Variants in CCDC171 observed in about 807,000 individuals in gnomAD.
CCDC171 encodes the protein coiled-coil domain containing 171.
In CCDC171, 177 loss-of-function variants were observed where a neutral mutation model predicts 168.2. The ratio of observed to expected loss-of-function variants is 1.05; its 90% CI spans 0.93 to 1.19. The LOEUF is 1.19. Among genes scored for constraint, CCDC171 ranks in the 50% most tolerant of loss-of-function variants. CCDC171 has a pLI of 0.00. For missense variants in CCDC171, 1,991 were observed against 1,539.0 expected, an observed-to-expected ratio of 1.29 and a Z score of -4.91; for synonymous variants, 687 against 540.8, an observed-to-expected ratio of 1.27 and a Z score of -3.75.
intron 24 of CCDC171, among the ~76,000 whole-genome samples, chr9:15,918,108 C>G (rs1021340788): frequency 6.6e-6 from 1 of 151,574 alleles, no homozygotes; most frequent in African/African-American, 2.4e-5. Flanking sequence ...CATTGTACAA[C>G]TAATTGTAAA....
At chr9:15,900,494 A>C (rs1821481784) in intron 24 of CCDC171, among the ~76,000 whole-genome samples, 1 of 143,844 alleles carries the variant, frequency 7.0e-6, no homozygotes, top group African/African-American at 2.6e-5. Flanking sequence ...TGATACCTTG[A>C]TTTCAGCCTG....
At chr9:15,874,716 G>T (rs754669675) in intron 24 of CCDC171, 53 bp downstream of exon 24, 2 of 1,442,514 alleles carry the variant, frequency 1.4e-6, no homozygotes, top group African/African-American at 2.9e-5. Context: ...AAAATAAATT[G>T]CACTAACTGG....
chr9:15,991,430 G>A (rs1253903617), intron 3 of CCDC171, among the ~76,000 whole-genome samples: 1 of 148,372 alleles, frequency 6.7e-6, no homozygotes, highest in African/African-American at 2.7e-5. Flanking sequence ...ATTCAAAGAA[G>A]TGTGTAGAGG....
At position 15,561,914 on chromosome 9, in the gene CCDC171, A is replaced by AT. The variant is rs567707652; in HGVS notation, c.-111-2058dup. Among the ~76,000 whole-genome samples the AT allele has an allele frequency of 4.8e-3, 728 of 151,762 alleles. 9 individuals are homozygous for AT. Among genetic ancestry groups the AT allele is most frequent in the Non-Finnish European group, 7.4e-3 (502 of 67,924 alleles). ...CCTTCTTACCTGCCTGTTACTCAAGATTTTTTCACCTTAGGTCCAAGATGC... is the reference window on the plus strand; with the variant it reads ...CCTTCTTACCTGCCTGTTACTCAAGATTTTTTTCACCTTAGGTCCAAGATGC... On this transcript the variant is annotated intron_variant, in intron 1 of 25. Transcript: ENST00000380701.
intron 11 of CCDC171, among the ~76,000 whole-genome samples, chr9:15,708,456 T>A (rs149132046): frequency 2.6e-5 from 4 of 152,302 alleles, no homozygotes; most frequent in African/African-American, 9.6e-5. Flanking sequence ...TCCTCCCTCT[T>A]TTGGAAATGG....
intron 4 of CCDC171, among the ~76,000 whole-genome samples, chr9:15,587,062 C>G (rs185373728): frequency 6.6e-6 from 1 of 152,330 alleles, no homozygotes; most frequent in African/African-American, 2.4e-5. Context: ...ATCCTCCAAG[C>G]TTGGCCTCCC....
At chr9:15,689,029 A>C (rs1450736057) in intron 10 of CCDC171, among the ~76,000 whole-genome samples, 1 of 152,226 alleles carries the variant, frequency 6.6e-6, no homozygotes, top group Non-Finnish European at 1.5e-5. Flanking sequence ...GATACAATAC[A>C]ATATCCATTT....
At chr9:16,049,931 G>A (rs950044322) in intron 1 of CCDC171, among the ~76,000 whole-genome samples, 6 of 152,130 alleles carry the variant, frequency 3.9e-5, no homozygotes, top group Non-Finnish European at 8.8e-5. Context: ...CTGTCACACA[G>A]GCTGGAGTGC....
At chr9:15,882,066 G>C (rs1283066653) in intron 24 of CCDC171, among the ~76,000 whole-genome samples, 1 of 152,088 alleles carries the variant, frequency 6.6e-6, no homozygotes, top group Non-Finnish European at 1.5e-5. Flanking sequence ...CTAATAGTGT[G>C]CGAGGATTCT....
chr9:15,827,002 C>G (rs2060040864), intron 21 of CCDC171, among the ~76,000 whole-genome samples: 2 of 152,150 alleles, frequency 1.3e-5, no homozygotes, highest in Admixed American at 6.5e-5. Flanking sequence ...TAACTAGGAG[C>G]TCTTTGTATA....
intron 23 of CCDC171, among the ~76,000 whole-genome samples, chr9:15,850,687 TAAG>T (rs2061086405): frequency 6.6e-6 from 1 of 152,002 alleles, no homozygotes; most frequent in Non-Finnish European, 1.5e-5. Flanking sequence ...GAATGAGTGA[TAAG>T]GAGGTGGCCC....
intron 6 of CCDC171, among the ~76,000 whole-genome samples, chr9:15,601,214 C>G (rs929172433): frequency 2.0e-5 from 3 of 152,190 alleles, no homozygotes; most frequent in Non-Finnish European, 2.9e-5. Flanking sequence ...AATCATTCGT[C>G]TTTTGCATCG....
In CCDC171 at chr9:15,676,002, G is replaced by C. The variant is rs2049527863; in HGVS notation, c.1077-2756G>C. The stretch of plus-strand genomic sequence containing the variant: ...GGTTCCATTCTCCCCGTCACTTTCA[G>C]GTACACCAATCAAATGCAGGTTTGG... On this transcript the variant is annotated intron_variant, in intron 9 of 25. Transcript: ENST00000380701. Among the ~76,000 whole-genome samples, 3 of 152,122 alleles carry C rather than the reference G, an allele frequency of 2.0e-5. No homozygotes were observed. In the South Asian group the frequency reaches 6.2e-4, roughly 32 times the overall value.
chr9:15,675,006 T>C (rs1394225407), intron 9 of CCDC171, among the ~76,000 whole-genome samples: 1 of 152,128 alleles, frequency 6.6e-6, no homozygotes, highest in African/African-American at 2.4e-5. Flanking sequence ...AGTCTCTTTG[T>C]AGGTCTCTAA....
At chr9:15,989,788 C>A in intron 3 of CCDC171, among the ~76,000 whole-genome samples, 1 of 152,064 alleles carries the variant, frequency 6.6e-6, no homozygotes, top group East Asian at 1.9e-4. Context: ...AATGCACAAG[C>A]TTCAGTAGCT....
Position 15,721,819 on chromosome 9 carries a change from A to G in CCDC171, c.1369A>G (p.Arg457Gly). Reference protein sequence around the residue: ...KPPSFSVVLERLRRTLTDYQN... With the variant: ...KPPSFSVVLEGLRRTLTDYQN... ...TCCCAGCTTCTCTGTTGTCCTTGAGAGATTGAGGCGTACCTTGACAGATTA... is the reference window on the plus strand; with the variant it reads ...TCCCAGCTTCTCTGTTGTCCTTGAGGGATTGAGGCGTACCTTGACAGATTA... The change falls in exon 12 of 26, where the codon AGA (arginine) becomes GGA (glycine). Residue 457 changes from arginine (R) to glycine (G), a missense_variant. Arg to Gly is a moderately radical substitution (Grantham distance 125). Transcript: ENST00000380701. 1 of 1,568,730 alleles carries G rather than the reference A, an allele frequency of 6.4e-7. No individual in the cohort carries two copies. The highest frequency in any genetic ancestry group is 8.6e-7 in the Non-Finnish European group (1 of 1,156,750).
chr9:15,642,341 GTGTATATATATA>G (rs1190432930), intron 7 of CCDC171, among the ~76,000 whole-genome samples: 109 of 40,958 alleles, frequency 2.7e-3, no homozygotes, highest in African/African-American at 6.7e-3. Context: ...ACGTGTGTGT[GTGTATATATATA>G]TATATATATA....
chr9:15,733,931 C>T (rs993808508), intron 16 of CCDC171, among the ~76,000 whole-genome samples: 1 of 152,080 alleles, frequency 6.6e-6, no homozygotes, highest in Non-Finnish European at 1.5e-5. Context: ...CCATGCCTAA[C>T]TAATTTTATT....
At chr9:15,726,829 T>C (rs2053838514) in intron 14 of CCDC171, among the ~76,000 whole-genome samples, 1 of 152,124 alleles carries the variant, frequency 6.6e-6, no homozygotes, top group Admixed American at 6.6e-5. Flanking sequence ...TATTAAAAAA[T>C]CTTGAGGGAA....
Sources: allele counts gnomAD v4.1 joint callset (sites outside exome capture counted in the v4.1 genomes callset), GRCh38; gene constraint gnomAD v4.1.1; transcripts MANE v1.5; gene names NCBI Gene and HGNC (gene_info 2026-07-23, HGNC 2026-07-21).